Variants in MAP4K4 observed in about 807,000 individuals in gnomAD.
MAP4K4 encodes the protein mitogen-activated protein kinase kinase kinase kinase 4, also known as HPK/GCK-like kinase HGK.
A neutral mutation model predicts 189.6 loss-of-function variants in MAP4K4; 38 were observed. The observed-to-expected ratio is 0.20, with a 90% CI of 0.15 to 0.26. The LOEUF (loss-of-function observed/expected upper bound fraction) is 0.26. Among genes scored for constraint, MAP4K4 ranks in the 10% least tolerant of loss-of-function variants. The probability of loss-of-function intolerance (pLI) is 1.00; values close to 1 mark genes in which losing one functional copy is unlikely to be tolerated. For missense variants in MAP4K4, 1,054 were observed against 1,726.9 expected, an observed-to-expected ratio of 0.61 and a Z score of 6.91; for synonymous variants, 610 against 624.3, an observed-to-expected ratio of 0.98 and a Z score of 0.34.
At chr2:101,708,388 G>A (rs535561878) in intron 2 of MAP4K4, among the ~76,000 whole-genome samples, 3 of 152,246 alleles carry the variant, frequency 2.0e-5, no homozygotes, top group Non-Finnish European at 4.4e-5. Flanking sequence ...TGAAAACAAG[G>A]GTAAGCAGTG....
At chr2:101,811,483 C>T (rs753529700) in intron 3 of MAP4K4, among the ~76,000 whole-genome samples, 11 of 151,362 alleles carry the variant, frequency 7.3e-5, no homozygotes, top group South Asian at 4.2e-4. Context: ...GCTGGCTCTA[C>T]GGCTCTACCC....
intron 2 of MAP4K4, among the ~76,000 whole-genome samples, chr2:101,719,433 T>C (rs2050393696): frequency 6.6e-6 from 1 of 152,166 alleles, no homozygotes; most frequent in South Asian, 2.1e-4. Context: ...CCCTAAGCCA[T>C]GGCAGTAAGT....
At chr2:101,808,277 G>A (rs1016475538) in intron 3 of MAP4K4, among the ~76,000 whole-genome samples, 11 of 152,190 alleles carry the variant, frequency 7.2e-5, no homozygotes. Context: ...CAGAGGAATT[G>A]CTGGTTTGTG....
At chr2:101,855,225 G>A (rs2097413727) in intron 12 of MAP4K4, among the ~76,000 whole-genome samples, 1 of 152,202 alleles carries the variant, frequency 6.6e-6, no homozygotes, top group East Asian at 1.9e-4. Context: ...GCAGGGTAGA[G>A]GGTGGTTAAG....
intron 2 of MAP4K4, among the ~76,000 whole-genome samples, chr2:101,774,261 G>T (rs753262115): frequency 1.5e-4 from 23 of 152,182 alleles, no homozygotes; most frequent in Non-Finnish European, 4.4e-5. Context: ...TTTAACTGGG[G>T]TGAGATGATA....
chr2:101,865,466 A>G (rs2097784362), intron 18 of MAP4K4, among the ~76,000 whole-genome samples: 1 of 152,202 alleles, frequency 6.6e-6, no homozygotes, highest in Non-Finnish European at 1.5e-5. Flanking sequence ...ACCAAATACT[A>G]TCCTTTTTAG....
chr2:101,867,686 C>T, intron 20 of MAP4K4: 1 of 381,396 alleles, frequency 2.6e-6, no homozygotes, highest in East Asian at 4.4e-5. Flanking sequence ...TGGCATTAAC[C>T]TTTACTTATT....
intron 15 of MAP4K4, 34 bp downstream of exon 15, chr2:101,859,898 C>T: frequency 6.4e-7 from 1 of 1,559,940 alleles, no homozygotes; most frequent in South Asian, 1.2e-5. Flanking sequence ...AGACATTGCC[C>T]TGGAAAGTCG....
At chr2:101,722,149 A>G (rs759630699) in intron 2 of MAP4K4, among the ~76,000 whole-genome samples, 6 of 152,242 alleles carry the variant, frequency 3.9e-5, no homozygotes, top group East Asian at 3.8e-4. Flanking sequence ...AAGTCTCACT[A>G]TAAAGCAGAG....
chr2:101,761,565 T>C (rs1463338487), intron 2 of MAP4K4, among the ~76,000 whole-genome samples: 3 of 151,318 alleles, frequency 2.0e-5, no homozygotes, highest in Non-Finnish European at 4.4e-5. Flanking sequence ...TTTTTTTTTT[T>C]TTCTTTTGAG....
intron 2 of MAP4K4, among the ~76,000 whole-genome samples, chr2:101,748,778 A>G (rs1347969069): frequency 6.6e-6 from 1 of 151,622 alleles, no homozygotes; most frequent in Non-Finnish European, 1.5e-5. Flanking sequence ...TCAGCCCAAA[A>G]TCTCCTTAAG....
chr2:101,873,884 C>G (rs2098124270), intron 25 of MAP4K4, 120 bp downstream of exon 25: 1 of 818,592 alleles, frequency 1.2e-6, no homozygotes, highest in South Asian at 1.7e-5. Flanking sequence ...ACAGAAACTT[C>G]CCATCCCAGT....
intron 3 of MAP4K4, among the ~76,000 whole-genome samples, chr2:101,822,905 T>C (rs2096154896): frequency 6.6e-6 from 1 of 152,236 alleles, no homozygotes; most frequent in South Asian, 2.1e-4. Flanking sequence ...CTCTTGATCT[T>C]ACACTGTGCT....
chr2:101,826,665 A>G (rs1385280363), intron 5 of MAP4K4, among the ~76,000 whole-genome samples: 1 of 152,208 alleles, frequency 6.6e-6, no homozygotes, highest in Non-Finnish European at 1.5e-5. Flanking sequence ...GGAGACTAGC[A>G]TAAGTCAGAC....
intron 3 of MAP4K4, among the ~76,000 whole-genome samples, chr2:101,812,326 C>T (rs2095478675): frequency 6.6e-6 from 1 of 152,190 alleles, no homozygotes; most frequent in Admixed American, 6.5e-5. Context: ...ACAGGGAGGA[C>T]TGTGTTGTTC....
chr2:101,751,461 A>G (rs1419273433), intron 2 of MAP4K4, among the ~76,000 whole-genome samples: 1 of 152,186 alleles, frequency 6.6e-6, no homozygotes, highest in Non-Finnish European at 1.5e-5. Flanking sequence ...TCAATGTCTC[A>G]TCTGTAAAAT....
At position 101,781,977 on chromosome 2, in the gene MAP4K4, T is replaced by A. The variant is rs1003740384; in HGVS notation, c.124-8743T>A. On this transcript the variant is annotated intron_variant, in intron 2 of 32. Coordinates refer to ENST00000324219, the Ensembl canonical transcript of MAP4K4. Reference sequence around the variant, plus strand: ...ATGCAGAGCCCAGATGACTGGGCCCTTTCTTTGTTGGAGTCAGAATATTAC... The same window carrying A: ...ATGCAGAGCCCAGATGACTGGGCCCATTCTTTGTTGGAGTCAGAATATTAC... Among the ~76,000 whole-genome samples the A allele has an allele frequency of 3.3e-5, 5 of 152,312 alleles. No individual in the cohort carries two copies. In the East Asian group the frequency reaches 7.7e-4, roughly 24 times the overall value.
At chr2:101,728,100 T>G (rs2149530727) in intron 2 of MAP4K4, among the ~76,000 whole-genome samples, 1 of 152,334 alleles carries the variant, frequency 6.6e-6, no homozygotes, top group Non-Finnish European at 1.5e-5. Context: ...GGTTACCTCT[T>G]TAAGTACAGG....
In MAP4K4 at chr2:101,841,451, C is replaced by G. The variant is rs561162213; in HGVS notation, c.950-1158C>G. Among the ~76,000 whole-genome samples the G allele has an allele frequency of 1.8e-4, 27 of 152,016 alleles. 1 individual carries two copies. The highest frequency in any genetic ancestry group is 3.4e-3 in the Middle Eastern group (1 of 294). ...TTTAATTGCCCAGGCACTTAAAAAC[C>G]AGGAAACTGATTTTCATCTTTTTTT... On this transcript the variant is annotated intron_variant, in intron 10 of 32. Coordinates refer to ENST00000324219, the Ensembl canonical transcript of MAP4K4.
Sources: allele counts gnomAD v4.1 joint callset (sites outside exome capture counted in the v4.1 genomes callset), GRCh38; gene constraint gnomAD v4.1.1; transcripts MANE v1.5; gene names NCBI Gene and HGNC (gene_info 2026-07-23, HGNC 2026-07-21).